HSF5: variants seen among roughly 807,000 people sequenced by gnomAD.
The protein encoded by HSF5 is heat shock factor protein 5.
HSF5 carries 5 observed loss-of-function variants against 50.8 expected under a neutral mutation model. The observed-to-expected ratio is 0.10, with a 90% confidence interval of 0.05 to 0.21. The LOEUF is 0.21. HSF5 is among the 10% of genes least tolerant of loss of function. The pLI, the probability that HSF5 is intolerant of heterozygous loss-of-function variation, is 1.00. For synonymous variants in HSF5, 307 were observed against 307.4 expected (o/e 1.00, Z 0.02); for missense variants, 564 against 762.6 (o/e 0.74, Z 3.07).
intron 5 of HSF5, among the ~76,000 whole-genome samples, chr17:58,438,282 G>A (rs1346128907): frequency 6.6e-6 from 1 of 152,106 alleles, no homozygotes. Context: ...ATGCTGTAAG[G>A]GTTTGTAGCC....
In HSF5 at chr17:58,487,908, G is replaced by T; in HGVS notation, c.367C>A (p.Leu123Met). ...GTGAGGCGCTTGAGGTGCACGAGCA[G>T]CTGTGGCTGGTCGCGGCGGAAGTGC... Reference protein sequence around the residue: ...NPHFRRDQPQLLVHLKRLTSA... With the variant: ...NPHFRRDQPQMLVHLKRLTSA... Residue 123 changes from leucine (L) to methionine (M), a missense_variant, in exon 1 of 6, where the codon CTG (leucine) becomes ATG (methionine). By Grantham distance (15) the Leu-to-Met change is conservative (BLOSUM62 2). Coordinates refer to ENST00000323777, the MANE Select transcript of HSF5 (RefSeq NM_001080439.3). 4 of 1,610,916 alleles carry T rather than the reference G, an allele frequency of 2.5e-6. No homozygotes were observed. Among genetic ancestry groups the T allele is most frequent in the Non-Finnish European group, 3.4e-6 (4 of 1,179,336 alleles).
At chr17:58,482,773 G>T (rs1347476471) in intron 1 of HSF5, among the ~76,000 whole-genome samples, 7 of 128,888 alleles carry the variant, frequency 5.4e-5, no homozygotes, top group Non-Finnish European at 9.9e-5. Context: ...GTGAGATCTT[G>T]TCTTTACAAA....
chr17:58,464,279 G>C (rs1974833287), intron 3 of HSF5, among the ~76,000 whole-genome samples: 1 of 152,188 alleles, frequency 6.6e-6, no homozygotes, highest in South Asian at 2.1e-4. Flanking sequence ...CACATGCAAA[G>C]TGCTTTATAT....
chr17:58,434,490 G>A (rs952338724), intron 5 of HSF5, among the ~76,000 whole-genome samples: 59 of 151,702 alleles, frequency 3.9e-4, no homozygotes, highest in African/African-American at 1.4e-3. Flanking sequence ...GGCGGAGGTT[G>A]CAGTGAGCCG....
At chr17:58,463,782 G>A (rs1017174136) in intron 3 of HSF5, among the ~76,000 whole-genome samples, 1 of 152,132 alleles carries the variant, frequency 6.6e-6, no homozygotes, top group African/African-American at 2.4e-5. Flanking sequence ...AAATAATATG[G>A]GGAAAAATGG....
At chr17:58,443,065 G>A (rs147621327) in intron 5 of HSF5, among the ~76,000 whole-genome samples, 50,489 of 151,744 alleles carry the variant, frequency 0.33, 9,097 homozygotes, top group East Asian at 0.51. Flanking sequence ...CCACCACCAC[G>A]CCCGGCTAAT....
At chr17:58,476,407 C>T (rs540680658) in intron 2 of HSF5, 67 of 1,017,444 alleles carry the variant, frequency 6.6e-5, no homozygotes, top group Middle Eastern at 6.2e-4. Flanking sequence ...CTCATGCTGC[C>T]TCTTCCTGCC....
intron 5 of HSF5, among the ~76,000 whole-genome samples, chr17:58,444,921 A>C (rs1408952632): frequency 1.3e-5 from 2 of 152,204 alleles, no homozygotes; most frequent in Non-Finnish European, 2.9e-5. Context: ...AAAAATGGGC[A>C]AAAGACTTGA....
intron 5 of HSF5, among the ~76,000 whole-genome samples, chr17:58,426,202 T>C (rs568015285): frequency 2.0e-5 from 3 of 152,244 alleles, no homozygotes; most frequent in African/African-American, 7.2e-5. Flanking sequence ...TGAAGAACAG[T>C]AGTAACAAAC....
intron 5 of HSF5, among the ~76,000 whole-genome samples, chr17:58,438,003 T>C (rs1974448441): frequency 6.6e-6 from 1 of 152,180 alleles, no homozygotes; most frequent in Non-Finnish European, 1.5e-5. Flanking sequence ...TATAGGGCTA[T>C]ACGAATTTAC....
chr17:58,481,411 G>C (rs1188726119), intron 1 of HSF5, among the ~76,000 whole-genome samples: 1 of 152,186 alleles, frequency 6.6e-6, no homozygotes, highest in Non-Finnish European at 1.5e-5. Flanking sequence ...AATGAGGGAA[G>C]GGAGAATATA....
chr17:58,469,345 T>C (rs1974914388), intron 2 of HSF5, among the ~76,000 whole-genome samples: 1 of 152,244 alleles, frequency 6.6e-6, no homozygotes, highest in Non-Finnish European at 1.5e-5. Flanking sequence ...AGAAATAAAC[T>C]ACAATATATA....
At chr17:58,473,903 T>C (rs965036825) in intron 2 of HSF5, among the ~76,000 whole-genome samples, 3 of 152,190 alleles carry the variant, frequency 2.0e-5, no homozygotes, top group African/African-American at 7.2e-5. Context: ...TTGCTCGCAA[T>C]GGCACAATCA....
At chr17:58,475,204 C>A (rs1974996329) in intron 2 of HSF5, among the ~76,000 whole-genome samples, 1 of 151,882 alleles carries the variant, frequency 6.6e-6, no homozygotes, top group African/African-American at 2.4e-5. Context: ...TACAATGAGC[C>A]AACGATACAA....
chr17:58,473,397 T>C (rs1015894288), intron 2 of HSF5, among the ~76,000 whole-genome samples: 9 of 152,244 alleles, frequency 5.9e-5, no homozygotes, highest in Admixed American at 3.9e-4. Context: ...GTTCTCAATA[T>C]AGGATTCTAT....
At chr17:58,457,136 T>C (rs1440732609) in intron 5 of HSF5, among the ~76,000 whole-genome samples, 7 of 151,826 alleles carry the variant, frequency 4.6e-5, no homozygotes, top group Admixed American at 4.6e-4. Context: ...GGAGTGTGCC[T>C]GTAATCCCAG....
At chr17:58,433,138 C>T (rs894069257) in intron 5 of HSF5, among the ~76,000 whole-genome samples, 15 of 152,142 alleles carry the variant, frequency 9.9e-5, no homozygotes, top group Non-Finnish European at 2.1e-4. Flanking sequence ...CTCAGCCTTC[C>T]GAGTAGCTGG....
chr17:58,465,967 A>C (rs1012464566), intron 3 of HSF5, among the ~76,000 whole-genome samples: 2 of 152,214 alleles, frequency 1.3e-5, no homozygotes, highest in Non-Finnish European at 2.9e-5. Flanking sequence ...CACAAGTGGA[A>C]AATTCCAGCA....
At chr17:58,454,940 T>C (rs1281417512) in intron 5 of HSF5, among the ~76,000 whole-genome samples, 4 of 152,156 alleles carry the variant, frequency 2.6e-5, no homozygotes, top group Non-Finnish European at 4.4e-5. Flanking sequence ...CTTATCAAAA[T>C]ACCAATGACA....
Sources: allele counts gnomAD v4.1 joint callset (sites outside exome capture counted in the v4.1 genomes callset), GRCh38; gene constraint gnomAD v4.1.1; transcripts MANE v1.5; gene names NCBI Gene and HGNC (gene_info 2026-07-23, HGNC 2026-07-21).